The following GLYATL2 variants were observed in gnomAD, a reference collection of about 807,000 sequenced individuals.
GLYATL2 encodes glycine-N-acyltransferase like 2, also known as glycine N-acyltransferase-like protein 2.
In GLYATL2, 25 loss-of-function variants were observed where a neutral mutation model predicts 21.4. That is an observed-to-expected ratio of 1.17 (90% CI 0.85 to 1.63). The LOEUF (loss-of-function observed/expected upper bound fraction) is 1.63. Among genes scored for constraint, GLYATL2 ranks in the 40% most tolerant of loss-of-function variants. The pLI is 0.00. For synonymous variants in GLYATL2, 114 were observed against 118.2 expected, an observed-to-expected ratio of 0.96 and a Z score of 0.23; for missense variants, 361 against 343.3, an observed-to-expected ratio of 1.05 and a Z score of -0.41.
intron 5 of GLYATL2, among the ~76,000 whole-genome samples, chr11:58,836,764 TC>T (rs1853438130): frequency 6.6e-6 from 1 of 152,204 alleles, no homozygotes; most frequent in South Asian, 2.1e-4. Flanking sequence ...TGTTTTGATG[TC>T]ACCATGATGT....
intron 1 of GLYATL2, among the ~76,000 whole-genome samples, chr11:58,864,897 A>T (rs560885206): frequency 4.7e-5 from 7 of 148,890 alleles, no homozygotes; most frequent in Admixed American, 3.5e-4. Context: ...CATCAGAGGC[A>T]GTACTCCTGC....
intron 1 of GLYATL2, among the ~76,000 whole-genome samples, chr11:58,857,135 A>G (rs1252034075): frequency 6.6e-6 from 1 of 152,164 alleles, no homozygotes; most frequent in Non-Finnish European, 1.5e-5. Flanking sequence ...TTACATTCCC[A>G]CCAACAGTGC....
intron 1 of GLYATL2, among the ~76,000 whole-genome samples, chr11:58,865,664 A>C (rs1225153196): frequency 6.7e-6 from 1 of 148,734 alleles, no homozygotes; most frequent in African/African-American, 2.4e-5. Context: ...CTCCTATCTG[A>C]TTTTCCTCTC....
chr11:58,851,123 C>T (rs1853733629), intron 1 of GLYATL2, among the ~76,000 whole-genome samples: 2 of 152,144 alleles, frequency 1.3e-5, no homozygotes, highest in African/African-American at 4.8e-5. Flanking sequence ...TTACCCTGCC[C>T]CTTTTGCCTT....
chr11:58,905,013 T>C (rs1854828620), upstream of GLYATL2, among the ~76,000 whole-genome samples: 1 of 152,248 alleles, frequency 6.6e-6, no homozygotes, highest in Admixed American at 6.5e-5. Context: ...TCAAGCCCCA[T>C]GCAAAGCACT....
chr11:58,840,064 C>T lies in GLYATL2; in HGVS notation c.-40-412G>A, dbSNP rs564050566. Among the ~76,000 whole-genome samples, 6 of 151,900 alleles carry T rather than the reference C, an allele frequency of 3.9e-5. No homozygotes were observed. In the South Asian group the frequency reaches 1.3e-3, roughly 32 times the overall value. On this transcript the variant is annotated intron_variant, in intron 1 of 5. Transcript: ENST00000287275. ...AACACTTGCTCTAATGTTCCCATAGCATGGGTACTATTTTCAGCTATCAAG... is the reference window on the plus strand; with the variant it reads ...AACACTTGCTCTAATGTTCCCATAGTATGGGTACTATTTTCAGCTATCAAG...
At position 58,850,851 on chromosome 11, in the gene GLYATL2, C is replaced by T. The variant is rs559503810; in HGVS notation, n.61-12483G>A. ...CACAGTTATCTGGAGGCCTAACCAT[C>T]TCCCTGTGATGCTGTGCTTCAGCGG... On this transcript the variant is annotated intron_variant and non_coding_transcript_variant, in intron 1 of 4. Transcript: ENST00000533636. 2.4e-4 allele frequency among the ~76,000 whole-genome samples: 37 copies of T among 152,270 alleles called. 1 individual carries two copies. The highest frequency in any genetic ancestry group is 4.6e-4 in the Non-Finnish European group (31 of 68,024).
At chr11:58,906,327 CA>C (rs1854883250), upstream of GLYATL2, among the ~76,000 whole-genome samples, 1 of 152,208 alleles carries the variant, frequency 6.6e-6, no homozygotes, top group Non-Finnish European at 1.5e-5. Context: ...TCCTGAATCT[CA>C]AGAGTGTCGT....
chr11:58,869,140 C>A (rs1019523749), intron 1 of GLYATL2, among the ~76,000 whole-genome samples: 3 of 152,196 alleles, frequency 2.0e-5, no homozygotes, highest in Admixed American at 6.5e-5. Flanking sequence ...AGTTTGTACA[C>A]TTTTGGGGCT....
At chr11:58,864,164 G>A (rs941607824) in intron 1 of GLYATL2, among the ~76,000 whole-genome samples, 13 of 152,152 alleles carry the variant, frequency 8.5e-5, no homozygotes, top group African/African-American at 2.2e-4. Context: ...TGTATCCACA[G>A]GGGTCAGCCT....
upstream of GLYATL2, among the ~76,000 whole-genome samples, chr11:58,847,963 C>T (rs1590720478): frequency 6.6e-6 from 1 of 151,478 alleles, no homozygotes; most frequent in Non-Finnish European, 1.5e-5. Flanking sequence ...TCACTCCACC[C>T]CCAATTTTAG....
intron 1 of GLYATL2, among the ~76,000 whole-genome samples, chr11:58,882,556 C>T (rs1027270078): frequency 6.6e-6 from 1 of 152,132 alleles, no homozygotes; most frequent in Non-Finnish European, 1.5e-5. Flanking sequence ...ATGGTAGTTT[C>T]TTTTGCCATG....
intron 1 of GLYATL2, among the ~76,000 whole-genome samples, chr11:58,867,497 C>T (rs1156585517): frequency 6.7e-6 from 1 of 148,696 alleles, no homozygotes; most frequent in Non-Finnish European, 1.5e-5. Flanking sequence ...ACCATGACCC[C>T]ATGATGGACC....
intron 1 of GLYATL2, among the ~76,000 whole-genome samples, chr11:58,852,220 C>T (rs1282221765): frequency 1.3e-5 from 2 of 152,158 alleles, no homozygotes; most frequent in Non-Finnish European, 2.9e-5. Context: ...TCCATGAGAT[C>T]GTATGAGTCT....
In GLYATL2 at chr11:58,837,014, C is replaced by T; in HGVS notation, c.476+1G>A. 1 of 1,611,174 alleles carries T rather than the reference C, an allele frequency of 6.2e-7. No homozygotes were observed. The highest frequency in any genetic ancestry group is 8.5e-7 in the Non-Finnish European group (1 of 1,178,882). ...TTGGGAAGCAAAAGGTAAAATCTCA[C>T]TTGTTATCATCATCCACTTCAAATA... On this transcript the variant is annotated splice_donor_variant, in intron 5 of 5. Transcript: ENST00000287275. LOFTEE classifies it high-confidence loss of function.
intron 1 of GLYATL2, among the ~76,000 whole-genome samples, chr11:58,860,459 G>T (rs1853911643): frequency 6.6e-6 from 1 of 152,004 alleles, no homozygotes; most frequent in African/African-American, 2.4e-5. Context: ...TTTGTATCTT[G>T]CCACATTACT....
At chr11:58,850,135 G>A (rs1219151813) in intron 1 of GLYATL2, among the ~76,000 whole-genome samples, 2 of 152,086 alleles carry the variant, frequency 1.3e-5, no homozygotes, top group African/African-American at 4.8e-5. Flanking sequence ...GCAAACCCTG[G>A]TAAAAGTGGG....
At chr11:58,869,590 G>T (rs546243081) in intron 1 of GLYATL2, among the ~76,000 whole-genome samples, 1 of 152,260 alleles carries the variant, frequency 6.6e-6, no homozygotes, top group Admixed American at 6.5e-5. Flanking sequence ...TTGGATCTTT[G>T]TGTGTATATG....
chr11:58,841,049 T>C (rs1044927031), intron 1 of GLYATL2, among the ~76,000 whole-genome samples: 5 of 152,092 alleles, frequency 3.3e-5, no homozygotes, highest in Non-Finnish European at 5.9e-5. Flanking sequence ...GCTGACAATA[T>C]ATATAAATAT....
Sources: gnomAD v4.1 joint callset for allele counts (sites outside exome capture counted in the v4.1 genomes callset) on GRCh38, gnomAD v4.1.1 for gene constraint, MANE v1.5 for transcripts, NCBI Gene and HGNC (gene_info 2026-07-23, HGNC 2026-07-21) for gene names.